The following RIC1 variants were observed in gnomAD, a reference collection of about 807,000 sequenced individuals.
RIC1 encodes RIC1 partner of RAB6A GEF complex, also known as guanine nucleotide exchange factor subunit RIC1.
Under a neutral mutation model 169.0 loss-of-function variants are expected in RIC1, and 88 were observed. The observed-to-expected ratio is 0.52, with a 90% CI of 0.44 to 0.62. The LOEUF (loss-of-function observed/expected upper bound fraction) is 0.62. Among genes scored for constraint, RIC1 ranks in the 20% least tolerant of loss-of-function variants. The pLI is 0.00. For missense variants in RIC1, 1,877 were observed against 1,725.5 expected, an observed-to-expected ratio of 1.09 and a Z score of -1.56; for synonymous variants, 790 against 601.5, an observed-to-expected ratio of 1.31 and a Z score of -4.59.
intron 2 of RIC1, among the ~76,000 whole-genome samples, chr9:5,687,341 A>G (rs1821311862): frequency 6.6e-6 from 1 of 151,886 alleles, no homozygotes; most frequent in Non-Finnish European, 1.5e-5. Flanking sequence ...TACCACTCTG[A>G]TCTCTGTTAT....
At chr9:5,684,122 G>C (rs761928974) in intron 2 of RIC1, among the ~76,000 whole-genome samples, 2 of 152,074 alleles carry the variant, frequency 1.3e-5, no homozygotes, top group East Asian at 1.9e-4. Flanking sequence ...CCCTGCTTCA[G>C]CTCACGCACA....
intron 2 of RIC1, among the ~76,000 whole-genome samples, chr9:5,659,052 A>G (rs1172319771): frequency 1.3e-5 from 2 of 152,142 alleles, no homozygotes; most frequent in African/African-American, 2.4e-5. Flanking sequence ...TTTACCAAAA[A>G]GGTTATTTCC....
chr9:5,703,575 C>G (rs1277564869), intron 3 of RIC1, among the ~76,000 whole-genome samples: 1 of 152,204 alleles, frequency 6.6e-6, no homozygotes, highest in Non-Finnish European at 1.5e-5. Context: ...AAATATAATA[C>G]AGCATGTACC....
intron 2 of RIC1, among the ~76,000 whole-genome samples, 176 bp from the exon 3 acceptor site, chr9:5,689,783 T>G (rs1047464060): frequency 5.3e-5 from 8 of 152,226 alleles, no homozygotes; most frequent in African/African-American, 1.9e-4. Context: ...AACCCTTTTT[T>G]TCAACATGGG....
intron 3 of RIC1, among the ~76,000 whole-genome samples, chr9:5,706,310 G>A (rs2130796822): frequency 6.6e-6 from 1 of 152,206 alleles, no homozygotes; most frequent in Admixed American, 6.5e-5. Context: ...AAATTAGCTG[G>A]GCATGGTGGC....
chr9:5,640,552 A>G (rs1039329418), intron 1 of RIC1, among the ~76,000 whole-genome samples: 2 of 152,206 alleles, frequency 1.3e-5, no homozygotes, highest in African/African-American at 4.8e-5. Flanking sequence ...CACTACAATA[A>G]CACTTATAAA....
intron 3 of RIC1, among the ~76,000 whole-genome samples, chr9:5,695,323 A>C (rs1284531078): frequency 6.6e-6 from 1 of 152,160 alleles, no homozygotes; most frequent in Non-Finnish European, 1.5e-5. Flanking sequence ...TAAAAATGAA[A>C]ATACAGTCTG....
rs757684414 is a variant in RIC1 at position 5,765,541 on chromosome 9, C to A, written c.2969C>A (p.Ser990Tyr). The change falls in exon 20 of 26, where the codon TCT (serine) becomes TAT (tyrosine). Residue 990 changes from serine to tyrosine, a missense_variant. Ser to Tyr is a moderately radical substitution (Grantham distance 144). Around this residue, in one of 3 missense-constraint regions of RIC1, gnomAD observed 681 missense variants for 582.0 expected, o/e 1.17. Transcript: ENST00000414202. ...CTTAAAGCCATTGGCTCTGGAGAAT[C>A]TGAGACACCTCCATCCACACCCACA... is the stretch of plus-strand genomic sequence containing the variant. ...RFLKAIGSGE[S>Y]ETPPSTPTAQ... 2 of 1,612,990 alleles carry A rather than the reference C, an allele frequency of 1.2e-6. No individual in the cohort carries two copies. Among genetic ancestry groups the A allele is most frequent in the Non-Finnish European group, 8.5e-7 (1 of 1,179,668 alleles).
chr9:5,760,353 A>C (rs932632043), intron 17 of RIC1, among the ~76,000 whole-genome samples: 2 of 152,234 alleles, frequency 1.3e-5, no homozygotes, highest in Non-Finnish European at 2.9e-5. Flanking sequence ...TAACGTTATC[A>C]GAAAGTGTTG....
At chr9:5,757,169 G>A (rs1826061146) in intron 16 of RIC1, 144 bp from the exon 17 acceptor site, 2 of 924,824 alleles carry the variant, frequency 2.2e-6, no homozygotes, top group Non-Finnish European at 1.6e-6. Context: ...CTTCCTGATC[G>A]AAGGATATAT....
At chr9:5,697,579 T>G (rs1586968539) in intron 3 of RIC1, among the ~76,000 whole-genome samples, 1 of 152,330 alleles carries the variant, frequency 6.6e-6, no homozygotes, top group East Asian at 1.9e-4. Context: ...CAAAAATACT[T>G]TTTATTATTG....
intron 2 of RIC1, among the ~76,000 whole-genome samples, chr9:5,689,195 C>T (rs1281027257): frequency 6.6e-6 from 1 of 151,686 alleles, no homozygotes; most frequent in Non-Finnish European, 1.5e-5. Context: ...ATTACAGGCG[C>T]CTGCCACCAC....
At chr9:5,701,827 G>A (rs1428884962) in intron 3 of RIC1, among the ~76,000 whole-genome samples, 1 of 152,154 alleles carries the variant, frequency 6.6e-6, no homozygotes, top group Non-Finnish European at 1.5e-5. Flanking sequence ...AAGCTGGTTA[G>A]TTTCTCAAGC....
intron 4 of RIC1, among the ~76,000 whole-genome samples, chr9:5,717,026 A>G (rs938334797): frequency 8.5e-5 from 13 of 152,286 alleles, no homozygotes; most frequent in African/African-American, 2.6e-4. Context: ...GGATATATCT[A>G]TCTCTTCCTG....
chr9:5,759,198 C>A (rs890759409), intron 17 of RIC1, among the ~76,000 whole-genome samples: 2 of 152,076 alleles, frequency 1.3e-5, no homozygotes. Flanking sequence ...AAAAAAGTGA[C>A]AATTTAAAAA....
chr9:5,667,504 C>CT (rs1171999345), intron 2 of RIC1, among the ~76,000 whole-genome samples: 4,514 of 131,172 alleles, frequency 0.034, 187 homozygotes, highest in African/African-American at 0.087. Context: ...CCACCGCCAC[C>CT]TTTTTTTTTT....
chr9:5,646,937 G>A (rs1818548475), intron 1 of RIC1, among the ~76,000 whole-genome samples: 2 of 152,178 alleles, frequency 1.3e-5, no homozygotes, highest in African/African-American at 4.8e-5. Flanking sequence ...GTTTTATAGG[G>A]TGAGGTCTTC....
intron 2 of RIC1, among the ~76,000 whole-genome samples, chr9:5,671,717 C>G (rs1359973400): frequency 6.6e-6 from 1 of 152,106 alleles, no homozygotes; most frequent in African/African-American, 2.4e-5. Flanking sequence ...GACTAAGCCC[C>G]CATTCCTAAC....
At chr9:5,663,519 T>C (rs918221562) in intron 2 of RIC1, among the ~76,000 whole-genome samples, 1 of 152,208 alleles carries the variant, frequency 6.6e-6, no homozygotes, top group African/African-American at 2.4e-5. Context: ...ATACTGTGTG[T>C]GCATATATGG....
Sources: allele counts gnomAD v4.1 joint callset (sites outside exome capture counted in the v4.1 genomes callset), GRCh38; gene constraint gnomAD v4.1.1; regional missense constraint gnomAD v4.1.1; transcripts MANE v1.5; gene names NCBI Gene and HGNC (gene_info 2026-07-23, HGNC 2026-07-21).